SEC63: variants seen among roughly 807,000 people sequenced by gnomAD.
The protein encoded by SEC63 is SEC63 protein translocation regulator.
In SEC63, 56 loss-of-function variants were observed where a neutral mutation model predicts 116.2. The ratio of observed to expected loss-of-function variants is 0.48; its 90% CI spans 0.39 to 0.60. SEC63 has a LOEUF of 0.60. SEC63 is among the 20% of genes least tolerant of loss of function. The pLI is 0.00. For synonymous variants in SEC63, 273 were observed against 294.6 expected (o/e 0.93, Z 0.75); for missense variants, 668 against 900.0 (o/e 0.74, Z 3.30).
At position 107,893,624 on chromosome 6, in the gene SEC63, C is replaced by T; in HGVS notation, c.1532G>A (p.Gly511Glu). ...TCCTTTACTCTTCTGTTGCCATCCT[C>T]CTTTTGTCCTGTTCTTGTTAGTTTC... ...QGETNKNRTKGGWQQKSKGPK... is the reference protein window; with the variant it reads ...QGETNKNRTKEGWQQKSKGPK... Residue 511 changes from glycine to glutamate, a missense_variant, in exon 16 of 21, where the codon GGA (glycine) becomes GAA (glutamate). Physicochemically the swap from Gly to Glu is moderately conservative, Grantham distance 98. Coordinates refer to ENST00000369002, the MANE Select transcript of SEC63 (RefSeq NM_007214.5). 1 of 1,613,610 alleles carries T rather than the reference C, an allele frequency of 6.2e-7. No individual in the cohort carries two copies. Among genetic ancestry groups the T allele is most frequent in the Non-Finnish European group, 8.5e-7 (1 of 1,179,940 alleles).
In SEC63 at chr6:107,870,310, G is replaced by C. The variant is rs1294697651; in HGVS notation, c.*1394C>G. On this transcript the variant is annotated 3_prime_UTR_variant, in exon 21 of 21. Transcript: ENST00000369002. Reference sequence around the variant, plus strand: ...ATTTAGAACCAAAAAAACCATTCATGGTTTTGCTAATTTTCACATTTTATT... The same window carrying C: ...ATTTAGAACCAAAAAAACCATTCATCGTTTTGCTAATTTTCACATTTTATT... The C allele has an allele frequency of 1.3e-5, 2 of 152,522 alleles. No individual in the cohort carries two copies. The allele number at this position is 152,522 out of a possible 1,614,324, so 9.4% of individuals were successfully genotyped here.
At chr6:107,927,317 C>T (rs527505493) in intron 2 of SEC63, among the ~76,000 whole-genome samples, 8 of 152,206 alleles carry the variant, frequency 5.3e-5, no homozygotes, top group South Asian at 2.1e-4. Context: ...CCGCCCACCT[C>T]GGCCTCCCAA....
Position 107,883,002 on chromosome 6 carries a change from T to C in SEC63, c.1819A>G (p.Lys607Glu), listed in dbSNP as rs376874629. ...SDREQDEKQN[K>E]DDEAEWQELQ... ...ATAAGGCTTACTGCTTCATCATCTT[T>C]GTTTTGTTTTTCATCTTGCTCTCTA... Residue 607 changes from lysine (K) to glutamate (E), a missense_variant, in exon 17 of 21, where the codon AAA becomes GAA. Lys to Glu is a moderately conservative substitution (Grantham distance 56). This residue lies in a region of SEC63 where 430 missense variants were observed against 557.5 expected (regional missense o/e 0.77). Transcript: ENST00000369002. 3.7e-6 allele frequency: 6 copies of C among 1,601,304 alleles called. No homozygotes were observed. Among genetic ancestry groups the C allele is most frequent in the Non-Finnish European group, 5.1e-6 (6 of 1,170,218 alleles).
chr6:107,876,528 T>G (rs750574416), intron 19 of SEC63, 36 bp downstream of exon 19: 1 of 1,245,814 alleles, frequency 8.0e-7, no homozygotes, highest in South Asian at 1.2e-5. Flanking sequence ...CAGCTGTGCC[T>G]TGTTAAACAC....
Position 107,876,568 on chromosome 6 carries a change from T to G in SEC63, c.2030A>C (p.Glu677Ala). 6.3e-7 allele frequency: 1 copy of G among 1,581,696 alleles called. No homozygotes were observed. Among genetic ancestry groups the G allele is most frequent in the Non-Finnish European group, 8.7e-7 (1 of 1,153,404 alleles). The change falls in exon 19 of 21, where the codon GAG becomes GCG. Residue 677 changes from glutamate (E) to alanine (A), a missense_variant. Physicochemically the swap from Glu to Ala is moderately radical, Grantham distance 107. Transcript: ENST00000369002. ...PYHVCTLKDT[E>A]EVELKFPAPG... ...ATCATGTTGCTTGATAGTTACCTCCTCTGTATCTTTCAGCGTACACACATG... is the reference window on the plus strand; with the variant it reads ...ATCATGTTGCTTGATAGTTACCTCCGCTGTATCTTTCAGCGTACACACATG...
intron 1 of SEC63, among the ~76,000 whole-genome samples, chr6:107,946,137 A>G (rs1313540389): frequency 6.6e-6 from 1 of 151,944 alleles, no homozygotes; most frequent in Non-Finnish European, 1.5e-5. Flanking sequence ...GGGTTTCACC[A>G]TATTGGCCAG....
chr6:107,923,671 T>C (rs182859427), intron 3 of SEC63, among the ~76,000 whole-genome samples: 7 of 151,720 alleles, frequency 4.6e-5, no homozygotes, highest in Admixed American at 3.9e-4. Context: ...ACTATAGGTG[T>C]GTTGCTATCA....
chr6:107,929,515 C>T lies in SEC63; in HGVS notation c.125-1G>A, dbSNP rs773641749. ...CTGATATTCTTTAATCGAATTTGCTCTGTCAAGAAAGAAAAATAAGATGAA... is the reference window on the plus strand; with the variant it reads ...CTGATATTCTTTAATCGAATTTGCTTTGTCAAGAAAGAAAAATAAGATGAA... On this transcript the variant is annotated splice_acceptor_variant, in intron 1 of 20. Transcript: ENST00000369002. LOFTEE classifies it high-confidence loss of function. 1.3e-6 allele frequency: 2 copies of T among 1,562,698 alleles called. No homozygotes were observed.
intron 2 of SEC63, among the ~76,000 whole-genome samples, chr6:107,925,979 G>A (rs775485824): frequency 2.0e-5 from 3 of 152,012 alleles, no homozygotes; most frequent in African/African-American, 4.8e-5. Context: ...CACCACACCC[G>A]GCTAATTTTT....
At chr6:107,893,366 G>C in intron 16 of SEC63, 116 bp downstream of exon 16, 2 of 950,934 alleles carry the variant, frequency 2.1e-6, no homozygotes, top group Non-Finnish European at 1.6e-6. Flanking sequence ...GAGCTTTCTA[G>C]GGTATCACGG....
intron 16 of SEC63, among the ~76,000 whole-genome samples, chr6:107,888,502 T>C (rs547628531): frequency 3.3e-5 from 5 of 152,290 alleles, no homozygotes; most frequent in Non-Finnish European, 7.4e-5. Flanking sequence ...GCTGAGACGA[T>C]GGGGTTTTCT....
chr6:107,954,930 T>C (rs891507623), intron 1 of SEC63, among the ~76,000 whole-genome samples: 8 of 152,216 alleles, frequency 5.3e-5, no homozygotes, highest in Non-Finnish European at 8.8e-5. Flanking sequence ...TTAATTTTCA[T>C]AACACAATTT....
chr6:107,932,884 G>A (rs985643903), intron 1 of SEC63, among the ~76,000 whole-genome samples: 1 of 151,674 alleles, frequency 6.6e-6, no homozygotes, highest in Non-Finnish European at 1.5e-5. Flanking sequence ...ATTACAAAGG[G>A]GAAACGAATG....
At chr6:107,874,321 A>C (rs113536944) in intron 19 of SEC63, among the ~76,000 whole-genome samples, 6 of 152,160 alleles carry the variant, frequency 3.9e-5, no homozygotes, top group East Asian at 1.9e-4. Context: ...GAAGCCGGGC[A>C]CGGTGGCTCA....
chr6:107,893,521 C>T lies in SEC63; in HGVS notation c.1635G>A (p.Lys545=). 1 of 1,613,096 alleles carries T rather than the reference C, an allele frequency of 6.2e-7. No homozygotes were observed. The highest frequency in any genetic ancestry group is 1.1e-5 in the South Asian group (1 of 91,002). Residue 545 remains lysine (K), a synonymous_variant, in exon 16 of 21, where the codon AAG becomes AAA. Transcript: ENST00000369002. ...KPTPVLLPQS[K]QQKQKQANGV... ...CATTTGCCTGCTTTTGTTTCTGTTG[C>T]TTTGACTGTGGTAATAGCACAGGTG...
chr6:107,922,410 G>A (rs1262422176), intron 3 of SEC63, among the ~76,000 whole-genome samples: 1 of 152,234 alleles, frequency 6.6e-6, no homozygotes, highest in Non-Finnish European at 1.5e-5. Context: ...GGAAGGTGAA[G>A]CAGGAGAATC....
At chr6:107,910,981 G>A (rs1475102231) in intron 7 of SEC63, among the ~76,000 whole-genome samples, 3 of 152,082 alleles carry the variant, frequency 2.0e-5, no homozygotes, top group Admixed American at 2.0e-4. Flanking sequence ...AATGTGCTGG[G>A]ATTACAGGAG....
chr6:107,940,687 G>C (rs1435211800), intron 1 of SEC63, among the ~76,000 whole-genome samples: 2 of 151,332 alleles, frequency 1.3e-5, no homozygotes, highest in African/African-American at 4.9e-5. Flanking sequence ...TAAACGATAT[G>C]ACCTACATAT....
intron 8 of SEC63, among the ~76,000 whole-genome samples, chr6:107,907,026 A>C (rs1787163760): frequency 6.6e-6 from 1 of 152,212 alleles, no homozygotes; most frequent in Admixed American, 6.5e-5. Flanking sequence ...CACCAAAGCA[A>C]CTGGAGGCAT....
Sources: allele counts gnomAD v4.1 joint callset (sites outside exome capture counted in the v4.1 genomes callset), GRCh38; gene constraint gnomAD v4.1.1; regional missense constraint gnomAD v4.1.1; transcripts MANE v1.5; gene names NCBI Gene and HGNC (gene_info 2026-07-23, HGNC 2026-07-21).